Variants in AGBL1 observed in about 807,000 individuals in gnomAD.
The protein encoded by AGBL1 is cytosolic carboxypeptidase 4.
Under a neutral mutation model 118.9 loss-of-function variants are expected in AGBL1, and 130 were observed. The observed-to-expected ratio is 1.09, with a 90% CI of 0.95 to 1.26. The LOEUF is 1.26. AGBL1 is among the 50% of genes most tolerant of loss of function. AGBL1 has a pLI of 0.00. For synonymous variants in AGBL1, 555 were observed against 478.9 expected, an observed-to-expected ratio of 1.16 and a Z score of -2.08; for missense variants, 1,584 against 1,298.1, an observed-to-expected ratio of 1.22 and a Z score of -3.38.
At chr15:86,556,417 C>T in intron 21 of AGBL1, 1 of 700,554 alleles carries the variant, frequency 1.4e-6, no homozygotes. Flanking sequence ...TTTAAGAATC[C>T]CATTCTCTAT....
At chr15:86,351,356 G>C (rs2132655) in intron 17 of AGBL1, among the ~76,000 whole-genome samples, 108,848 of 152,008 alleles carry the variant, frequency 0.72, 39,852 homozygotes, top group Non-Finnish European at 0.79. Context: ...TGTCCCCCCT[G>C]TTAATACTGT....
intron 22 of AGBL1, among the ~76,000 whole-genome samples, chr15:86,763,137 AGTCTCCACT>A (rs2078049578): frequency 6.6e-6 from 1 of 152,024 alleles, no homozygotes; most frequent in South Asian, 2.1e-4. Context: ...TCCTTTACCT[AGTCTCCACT>A]GACCACAAGG....
At chr15:86,581,381 C>A (rs1276039053) in intron 21 of AGBL1, among the ~76,000 whole-genome samples, 5 of 152,106 alleles carry the variant, frequency 3.3e-5, no homozygotes, top group Non-Finnish European at 7.4e-5. Context: ...TGGCTAATGA[C>A]AAGATCTGGT....
At chr15:86,897,866 C>A (rs932612508) in intron 22 of AGBL1, among the ~76,000 whole-genome samples, 2 of 145,872 alleles carry the variant, frequency 1.4e-5, no homozygotes, top group African/African-American at 5.1e-5. Flanking sequence ...ACCTCCTGGG[C>A]TCAGGTGATC....
chr15:86,279,842 C>T (rs1287742693), intron 16 of AGBL1, 59 bp downstream of exon 16: 8 of 1,585,552 alleles, frequency 5.0e-6, no homozygotes, highest in Non-Finnish European at 6.9e-6. Context: ...TGAGGTTTTC[C>T]TGGGAACATT....
intron 24 of AGBL1, among the ~76,000 whole-genome samples, chr15:86,991,630 G>A (rs969525557): frequency 2.8e-4 from 42 of 152,134 alleles, no homozygotes; most frequent in Non-Finnish European, 4.7e-4. Context: ...GCTCTGAGGA[G>A]GAACTAGGAT....
intron 24 of AGBL1, among the ~76,000 whole-genome samples, chr15:87,002,619 G>T (rs1367514792): frequency 1.3e-5 from 2 of 152,176 alleles, no homozygotes; most frequent in Non-Finnish European, 2.9e-5. Context: ...AGCTTGGAAT[G>T]TTCTTCCATT....
chr15:86,967,264 C>T (rs2081064445), intron 23 of AGBL1, among the ~76,000 whole-genome samples: 1 of 152,094 alleles, frequency 6.6e-6, no homozygotes, highest in Admixed American at 6.6e-5. Flanking sequence ...AATTTCCTCC[C>T]ATTCTGTAGG....
intron 18 of AGBL1, among the ~76,000 whole-genome samples, chr15:86,427,540 A>T (rs2081881722): frequency 6.6e-6 from 1 of 150,804 alleles, no homozygotes; most frequent in Non-Finnish European, 1.5e-5. Flanking sequence ...ACATTCTTCA[A>T]TTTTAGTGCA....
At chr15:86,303,342 G>T (rs1223364700) in intron 17 of AGBL1, among the ~76,000 whole-genome samples, 1 of 152,122 alleles carries the variant, frequency 6.6e-6, no homozygotes, top group African/African-American at 2.4e-5. Flanking sequence ...TAGGTCTAGG[G>T]AAATGGGAGG....
At chr15:86,874,947 T>C (rs2079786264) in intron 22 of AGBL1, among the ~76,000 whole-genome samples, 1 of 152,148 alleles carries the variant, frequency 6.6e-6, no homozygotes, top group Non-Finnish European at 1.5e-5. Flanking sequence ...TCATAACTTT[T>C]CTGGGCACTC....
intron 1 of AGBL1, among the ~76,000 whole-genome samples, chr15:86,094,566 C>T (rs116094318): frequency 6.6e-6 from 1 of 152,040 alleles, no homozygotes. Flanking sequence ...GATTGATCTG[C>T]AATGTAGTCA....
chr15:86,927,243 G>A (rs551661514), intron 23 of AGBL1, among the ~76,000 whole-genome samples: 1 of 152,196 alleles, frequency 6.6e-6, no homozygotes, highest in South Asian at 2.1e-4. Context: ...AGGATAAACT[G>A]AGTATCTCTG....
intron 22 of AGBL1, among the ~76,000 whole-genome samples, chr15:86,705,769 C>A (rs2086438832): frequency 6.6e-6 from 1 of 152,066 alleles, no homozygotes; most frequent in South Asian, 2.1e-4. Flanking sequence ...TTCATCTGAT[C>A]AAAATTCTCA....
chr15:87,004,537 C>G (rs926845275), intron 24 of AGBL1, among the ~76,000 whole-genome samples: 1 of 152,026 alleles, frequency 6.6e-6, no homozygotes, highest in Non-Finnish European at 1.5e-5. Context: ...TTTCCATTTG[C>G]TTGGTAGATC....
intron 24 of AGBL1, among the ~76,000 whole-genome samples, chr15:87,025,107 T>A (rs1897651): frequency 0.069 from 10,539 of 151,844 alleles, 557 homozygotes; most frequent in African/African-American, 0.15. Flanking sequence ...CCTCTTCAAC[T>A]TAGTACTGGA....
intron 5 of AGBL1, among the ~76,000 whole-genome samples, chr15:86,164,254 G>A (rs1009876104): frequency 1.3e-5 from 2 of 152,148 alleles, no homozygotes; most frequent in Non-Finnish European, 2.9e-5. Flanking sequence ...AAACTTTTCT[G>A]GGGGTGCTTT....
At position 86,286,735 on chromosome 15, in the gene AGBL1, G is replaced by GTATATATATATATATATATATATA. The variant is rs535707426; in HGVS notation, c.2220+6966_2220+6967insTATATATATATATATATATATATA. On this transcript the variant is annotated intron_variant, in intron 16 of 22. Transcript: ENST00000614907. ...TATATGTGTGTGTGTGTTTGTGTGT[G>GTATATATATATATATATATATATA]TATATATATATATAAAACTCCATCA... Among the ~76,000 whole-genome samples the GTATATATATATATATATATATATA allele has an allele frequency of 4.0e-4, 42 of 106,298 alleles. No homozygotes were observed. The South Asian group carries it at 9.8e-3, about 25-fold the overall frequency. The allele number at this position is 106,298 out of a possible 152,430, so 69.7% of individuals were successfully genotyped here.
At chr15:86,111,790 G>A (rs962629798) in intron 1 of AGBL1, among the ~76,000 whole-genome samples, 7 of 152,192 alleles carry the variant, frequency 4.6e-5, no homozygotes, top group Non-Finnish European at 8.8e-5. Flanking sequence ...ACAAGACCAT[G>A]TTAGGAACCA....
Sources: allele counts gnomAD v4.1 joint callset (sites outside exome capture counted in the v4.1 genomes callset), GRCh38; gene constraint gnomAD v4.1.1; transcripts MANE v1.5; gene names NCBI Gene and HGNC (gene_info 2026-07-23, HGNC 2026-07-21).